ADAM32: variants seen among roughly 807,000 people sequenced by gnomAD.
ADAM32 encodes disintegrin and metalloproteinase domain-containing protein 32.
Under a neutral mutation model 114.9 loss-of-function variants are expected in ADAM32, and 89 were observed. That is an observed-to-expected ratio of 0.77 (90% CI 0.65 to 0.92). The LOEUF (loss-of-function observed/expected upper bound fraction) is 0.92. Among genes scored for constraint, ADAM32 ranks in the 40% least tolerant of loss-of-function variants. The pLI is 0.00. For synonymous variants in ADAM32, 285 were observed against 307.5 expected, an observed-to-expected ratio of 0.93 and a Z score of 0.77; for missense variants, 870 against 932.8, an observed-to-expected ratio of 0.93 and a Z score of 0.88.
At chr8:39,135,582 T>C (rs532843450) in intron 2 of ADAM32, among the ~76,000 whole-genome samples, 1 of 152,308 alleles carries the variant, frequency 6.6e-6, no homozygotes, top group African/African-American at 2.4e-5. Flanking sequence ...TTTCTTTGGA[T>C]TTCTGGATTT....
intron 16 of ADAM32, among the ~76,000 whole-genome samples, chr8:39,243,648 A>G (rs1404056337): frequency 2.0e-5 from 3 of 152,218 alleles, no homozygotes; most frequent in Non-Finnish European, 1.5e-5. Context: ...TAAAGGCTGT[A>G]TATGCCAAAG....
rs539209759 is a variant in ADAM32 at position 39,254,955 on chromosome 8, A to C, written c.2005+439A>C. Among the ~76,000 whole-genome samples, 8 of 152,004 alleles carry C rather than the reference A, an allele frequency of 5.3e-5. No individual in the cohort carries two copies. The South Asian group carries it at 1.7e-3, about 31-fold the overall frequency. On this transcript the variant is annotated intron_variant, in intron 18 of 24. Transcript: ENST00000379907. ...TTAGCTCCCACTTATGAGTGAGAAC[A>C]TATGATATTTGGTTTTCCATTCTTC...
At position 39,164,973 on chromosome 8, in the gene ADAM32, T is replaced by G. The variant is rs559202416; in HGVS notation, c.667-57T>G. 227 of 1,531,440 alleles carry G rather than the reference T, an allele frequency of 1.5e-4. 1 individual carries two copies. In the African/African-American group the frequency reaches 2.5e-3, roughly 17 times the overall value. 94.9% of individuals were successfully genotyped at this position (1,531,440 alleles called of 1,614,324 possible). On this transcript the variant is annotated intron_variant, in intron 8 of 24. Transcript: ENST00000379907. ...ATTGTAAAAACTTTGAATTTCTGGG[T>G]TTTTATAAGATAACATAAATATTAA...
intron 6 of ADAM32, among the ~76,000 whole-genome samples, chr8:39,159,716 G>A (rs983948648): frequency 3.3e-5 from 5 of 152,178 alleles, no homozygotes; most frequent in Non-Finnish European, 7.3e-5. Flanking sequence ...GAAATTTCAT[G>A]GTGGAGGAAA....
At chr8:39,141,923 A>T (rs13275748) in intron 3 of ADAM32, among the ~76,000 whole-genome samples, 78,340 of 151,988 alleles carry the variant, frequency 0.52, 21,296 homozygotes, top group Non-Finnish European at 0.6. Context: ...CTTGTTGAAT[A>T]GATCCCTTTA....
chr8:39,211,096 T>C, intron 11 of ADAM32, 48 bp from the exon 12 acceptor site: 1 of 1,314,042 alleles, frequency 7.6e-7, no homozygotes. Flanking sequence ...TATAGAAATG[T>C]GTTTCCAGAA....
intron 10 of ADAM32, among the ~76,000 whole-genome samples, chr8:39,175,981 A>T (rs971613793): frequency 6.6e-6 from 1 of 152,118 alleles, no homozygotes. Context: ...AGAGGTGTTT[A>T]CAGTATTCTC....
chr8:39,118,039 C>T, intron 1 of ADAM32, 47 bp from the exon 2 acceptor site: 1 of 1,213,382 alleles, frequency 8.2e-7, no homozygotes, highest in Non-Finnish European at 1.1e-6. Flanking sequence ...GATATTTAAT[C>T]AAATTAAGGC....
chr8:39,145,177 A>G (rs1020494047), intron 3 of ADAM32, among the ~76,000 whole-genome samples: 1 of 152,204 alleles, frequency 6.6e-6, no homozygotes, highest in African/African-American at 2.4e-5. Flanking sequence ...ACACAAATAT[A>G]TGGAAAGAAC....
chr8:39,161,828 T>C (rs537838047), intron 7 of ADAM32, among the ~76,000 whole-genome samples: 1 of 152,054 alleles, frequency 6.6e-6, no homozygotes, highest in Non-Finnish European at 1.5e-5. Context: ...TAAGAGAACA[T>C]TGAGACATTG....
intron 10 of ADAM32, among the ~76,000 whole-genome samples, chr8:39,185,558 A>G (rs762614772): frequency 5.3e-5 from 8 of 152,222 alleles, no homozygotes; most frequent in Non-Finnish European, 8.8e-5. Context: ...TTTTCACCAT[A>G]CAGTATGCCA....
At position 39,174,927 on chromosome 8, in the gene ADAM32, A is replaced by G. The variant is rs190450120; in HGVS notation, c.915+4930A>G. Among the ~76,000 whole-genome samples the G allele has an allele frequency of 2.4e-3, 359 of 151,942 alleles. 1 individual carries two copies. Among genetic ancestry groups the G allele is most frequent in the African/African-American group, 8.2e-3 (339 of 41,412 alleles). ...TCCCTTGTTAGCTGTATTCCTAGGT[A>G]TTTTATTCTCTTTGTAGCAACTGTG... On this transcript the variant is annotated intron_variant, in intron 10 of 24. Coordinates refer to ENST00000379907, the MANE Select transcript of ADAM32 (RefSeq NM_145004.7).
intron 2 of ADAM32, among the ~76,000 whole-genome samples, chr8:39,121,893 A>G (rs1466178415): frequency 6.6e-6 from 1 of 152,216 alleles, no homozygotes; most frequent in Non-Finnish European, 1.5e-5. Context: ...ATCCTGTCAA[A>G]GAAGAGTATT....
At chr8:39,268,961 T>G (rs1812541310) in intron 19 of ADAM32, among the ~76,000 whole-genome samples, 1 of 152,242 alleles carries the variant, frequency 6.6e-6, no homozygotes, top group African/African-American at 2.4e-5. Context: ...CCTGTCCTTC[T>G]GTGAGCACAA....
chr8:39,139,189 A>G (rs1451041853), intron 3 of ADAM32, among the ~76,000 whole-genome samples: 1 of 152,150 alleles, frequency 6.6e-6, no homozygotes, highest in Non-Finnish European at 1.5e-5. Context: ...GTTAGATTCC[A>G]TCTGTCTATT....
At position 39,145,034 on chromosome 8, in the gene ADAM32, C is replaced by T. The variant is rs535749571; in HGVS notation, c.201-2096C>T. Among the ~76,000 whole-genome samples the T allele has an allele frequency of 4.0e-5, 6 of 151,818 alleles. No individual in the cohort carries two copies. The East Asian group carries it at 1.2e-3, about 29-fold the overall frequency. ...TTCTATACATTAATAAGAAATTTTCCAAAAATGAAATCAAGAAAACAACCC... is the reference window on the plus strand; with the variant it reads ...TTCTATACATTAATAAGAAATTTTCTAAAAATGAAATCAAGAAAACAACCC... On this transcript the variant is annotated intron_variant, in intron 3 of 24. Coordinates refer to ENST00000379907, the MANE Select transcript of ADAM32 (RefSeq NM_145004.7).
chr8:39,162,990 G>C (rs1015358990), intron 7 of ADAM32, among the ~76,000 whole-genome samples: 2 of 152,180 alleles, frequency 1.3e-5, no homozygotes, highest in African/African-American at 4.8e-5. Flanking sequence ...AACAGAGGAA[G>C]ACTCCATCTC....
intron 9 of ADAM32, chr8:39,165,763 G>A (rs1372817621): frequency 6.6e-6 from 1 of 151,966 alleles, no homozygotes; most frequent in Non-Finnish European, 1.5e-5. Flanking sequence ...TTTAAGTTTG[G>A]TATGTCAGTG....
At chr8:39,121,651 G>A (rs927243890) in intron 2 of ADAM32, among the ~76,000 whole-genome samples, 1 of 152,120 alleles carries the variant, frequency 6.6e-6, no homozygotes, top group Non-Finnish European at 1.5e-5. Flanking sequence ...AGATCATCAG[G>A]GCTGCCACTC....
Sources: allele counts gnomAD v4.1 joint callset (sites outside exome capture counted in the v4.1 genomes callset), GRCh38; gene constraint gnomAD v4.1.1; transcripts MANE v1.5; gene names NCBI Gene and HGNC (gene_info 2026-07-23, HGNC 2026-07-21).